The following USP35 variants were observed in gnomAD, a reference collection of about 807,000 sequenced individuals.
USP35 encodes ubiquitin specific peptidase 35.
USP35 carries 69 observed loss-of-function variants against 83.8 expected under a neutral mutation model. The observed-to-expected ratio is 0.82, with a 90% CI of 0.68 to 1.01. The LOEUF (loss-of-function observed/expected upper bound fraction) is 1.01. USP35 is among the 50% of genes least tolerant of loss of function. The probability of loss-of-function intolerance (pLI) is 0.00; values close to 1 mark genes in which losing one functional copy is unlikely to be tolerated. For synonymous variants in USP35, 714 were observed against 589.5 expected (o/e 1.21, Z -3.06); for missense variants, 1,503 against 1,362.5 (o/e 1.10, Z -1.62).
Position 78,196,158 on chromosome 11 carries a change from T to C in USP35, c.-10-78T>C, listed in dbSNP as rs1863135920. ...AAGTTTGAGTTGCTTGCCCTAAGTC[T>C]CAGCACTCGGGGACTGCACCGGGAA... On this transcript the variant is annotated intron_variant, in intron 1 of 10. Transcript: ENST00000529308. This position sits in a 1 kb window ranked among gnomAD's most constrained non-coding sequence, Gnocchi z 4.8. 13 of 1,471,778 alleles carry C rather than the reference T, an allele frequency of 8.8e-6. No individual in the cohort carries two copies. Among genetic ancestry groups the C allele is most frequent in the African/African-American group, 1.5e-5 (1 of 67,632 alleles). 91.2% of individuals were successfully genotyped at this position (1,471,778 alleles called of 1,614,324 possible).
At chr11:78,219,461 T>C, downstream of USP35, 1 of 1,588,988 alleles carries the variant, frequency 6.3e-7, no homozygotes, top group Non-Finnish European at 8.6e-7. Context: ...GAGTTACCAG[T>C]TAGGTGGGGA....
chr11:78,207,644 AG>A (rs1196963732), intron 8 of USP35, 21 bp downstream of exon 8: 5 of 1,611,090 alleles, frequency 3.1e-6, no homozygotes, highest in Admixed American at 1.7e-5. Context: ...GGGCAGTCAG[AG>A]GGGGGTGGAG....
the USP35 span, among the ~76,000 whole-genome samples, chr11:78,235,963 T>C: frequency 1.3e-5 from 2 of 152,220 alleles, no homozygotes; most frequent in African/African-American, 4.8e-5. Flanking sequence ...TCCATTTTCA[T>C]GCTGCTGATA....
At chr11:78,231,175 G>C in the USP35 span, among the ~76,000 whole-genome samples, 1 of 152,138 alleles carries the variant, frequency 6.6e-6, no homozygotes, top group Non-Finnish European at 1.5e-5. Context: ...AGCACGTATG[G>C]GAGCTCCCCA....
intron 1 of USP35, among the ~76,000 whole-genome samples, chr11:78,195,980 G>A (rs1371601275): frequency 1.3e-5 from 2 of 152,110 alleles, no homozygotes; most frequent in African/African-American, 2.4e-5. Flanking sequence ...CTGCTGCCTG[G>A]GCCTCCCAAA....
intron 6 of USP35, among the ~76,000 whole-genome samples, chr11:78,202,318 G>A (rs561004082): frequency 6.4e-4 from 98 of 152,340 alleles, no homozygotes; most frequent in African/African-American, 2.4e-3. Flanking sequence ...TATGCACATG[G>A]TTTTAAATAG....
At chr11:78,204,034 G>T (rs1373922130) in intron 6 of USP35, among the ~76,000 whole-genome samples, 1 of 149,758 alleles carries the variant, frequency 6.7e-6, no homozygotes, top group Non-Finnish European at 1.5e-5. Context: ...GGGACTACAG[G>T]CGCCCGCCAC....
chr11:78,199,164 GAGGGAGGTAT>G (rs1235074975), intron 3 of USP35: 1 of 214,238 alleles, frequency 4.7e-6, no homozygotes, highest in Non-Finnish European at 9.5e-6. Context: ...AGAACCCTCT[GAGGGAGGTAT>G]TATCCCCATT....
At chr11:78,203,350 A>AG (rs1863418233) in intron 6 of USP35, among the ~76,000 whole-genome samples, 1 of 152,066 alleles carries the variant, frequency 6.6e-6, no homozygotes, top group Non-Finnish European at 1.5e-5. Context: ...GTAATGTGTG[A>AG]GGGGGAAGGG....
the USP35 span, among the ~76,000 whole-genome samples, chr11:78,225,931 C>T: frequency 1.3e-4 from 20 of 152,300 alleles, no homozygotes; most frequent in African/African-American, 4.8e-4. Flanking sequence ...GAGGAGGTTA[C>T]ATGCAGAGTT....
the USP35 span, chr11:78,223,596 G>C: frequency 1.9e-6 from 3 of 1,613,534 alleles, no homozygotes; most frequent in South Asian, 2.2e-5. Context: ...TGGCCAACAG[G>C]GTGGAAGAAC....
the USP35 span, among the ~76,000 whole-genome samples, chr11:78,232,159 CAG>C: frequency 9.9e-5 from 15 of 152,214 alleles, no homozygotes; most frequent in Non-Finnish European, 2.1e-4. Context: ...GTGAATGAGT[CAG>C]GGAAGACTTA....
rs377015163 is a variant in USP35, at chr11:78,198,066, C to G, written c.804C>G (p.Ser268Arg). ...VTDSQMLTAISRMIDWVSWPL... is the reference protein window; with the variant it reads ...VTDSQMLTAIRRMIDWVSWPL... Reference sequence around the variant, plus strand: ...ACTCGCAGATGCTGACTGCCATTAGCAGGTGGGACGCTGAGGCTGAGCCAT... The same window carrying G: ...ACTCGCAGATGCTGACTGCCATTAGGAGGTGGGACGCTGAGGCTGAGCCAT... The change falls in exon 3 of 11, where the codon AGC becomes AGG. Residue 268 changes from serine (S) to arginine (R), a missense_variant and splice_region_variant. By Grantham distance (110) the Ser-to-Arg change is moderately radical (BLOSUM62 -1). Coordinates refer to ENST00000529308, the MANE Select transcript of USP35 (RefSeq NM_020798.4). 1 of 1,614,046 alleles carries G rather than the reference C, an allele frequency of 6.2e-7. No homozygotes were observed. Among genetic ancestry groups the G allele is most frequent in the African/African-American group, 1.3e-5 (1 of 74,936 alleles).
Position 78,210,456 on chromosome 11 carries a change from C to G in USP35, c.2601C>G (p.Ala867=). The change falls in exon 10 of 11, where the codon GCC becomes GCG. Residue 867 remains alanine, a synonymous_variant. Coordinates refer to ENST00000529308, the MANE Select transcript of USP35 (RefSeq NM_020798.4). ...SSESGHYYCY[A]REGAARPAAS... is the part of the protein sequence containing the mutation. ...AGAGTGGTCACTACTACTGCTATGC[C>G]CGTGAGGGCGCTGCCCGCCCTGCCG... The G allele has an allele frequency of 6.2e-7, 1 of 1,614,218 alleles. No individual in the cohort carries two copies. The highest frequency in any genetic ancestry group is 8.5e-7 in the Non-Finnish European group (1 of 1,180,040).
chr11:78,211,719 G>C (rs760914082), intron 10 of USP35, among the ~76,000 whole-genome samples: 1 of 152,078 alleles, frequency 6.6e-6, no homozygotes, highest in Admixed American at 6.5e-5. Flanking sequence ...TTTTTCTTTC[G>C]TACGTTTGTT....
intron 10 of USP35, among the ~76,000 whole-genome samples, chr11:78,211,865 G>A (rs1377823425): frequency 2.0e-5 from 3 of 151,926 alleles, no homozygotes; most frequent in Non-Finnish European, 4.4e-5. Flanking sequence ...TGGGTAGTTT[G>A]CAAAAATTTT....
At chr11:78,197,849 G>C (rs181654290) in intron 2 of USP35, 87 bp from the exon 3 acceptor site, 32 of 1,512,734 alleles carry the variant, frequency 2.1e-5, no homozygotes, top group Non-Finnish European at 2.8e-5. Context: ...GGCCCAGCCC[G>C]GTTCGTTGGC....
intron 7 of USP35, chr11:78,207,313 C>G (rs922249919): frequency 6.2e-5 from 34 of 547,128 alleles, no homozygotes; most frequent in Non-Finnish European, 8.9e-5. Context: ...CCTTCATTGT[C>G]TAAAACATGT....
intron 6 of USP35, among the ~76,000 whole-genome samples, chr11:78,201,502 T>C (rs553330472): frequency 6.6e-6 from 1 of 152,192 alleles, no homozygotes; most frequent in South Asian, 2.1e-4. Context: ...GTCTACAAGG[T>C]TTGGCTTGAG....
Sources: gnomAD v4.1 joint callset for allele counts (sites outside exome capture counted in the v4.1 genomes callset) on GRCh38, gnomAD v4.1.1 for gene constraint, Gnocchi (gnomAD v3.1) non-coding constraint, MANE v1.5 for transcripts, NCBI Gene and HGNC (gene_info 2026-07-23, HGNC 2026-07-21) for gene names.